PVT1: variants seen among roughly 807,000 people sequenced by gnomAD.
The protein encoded by PVT1 is CXCR4/PVT1 fusion.
At chr8:127,822,111 A>T (rs1814737098) in intron 2 of PVT1, among the ~76,000 whole-genome samples, 1 of 152,216 alleles carries the variant, frequency 6.6e-6, no homozygotes, top group Non-Finnish European at 1.5e-5. Context: ...TGTTGTAAGG[A>T]TTAAATGAAT....
intron 5 of PVT1, chr8:128,082,905 T>A (rs1814205395): frequency 6.6e-6 from 1 of 152,238 alleles, no homozygotes; most frequent in Non-Finnish European, 1.5e-5. Flanking sequence ...CAGTTGACTA[T>A]CTCCAGACTT....
At chr8:127,823,495 T>G (rs1195176531) in intron 2 of PVT1, among the ~76,000 whole-genome samples, 1 of 152,228 alleles carries the variant, frequency 6.6e-6, no homozygotes, top group Non-Finnish European at 1.5e-5. Context: ...GCCCTTTTTC[T>G]GCCTGTCCTT....
At chr8:128,028,488 G>A (rs924464194) in intron 4 of PVT1, among the ~76,000 whole-genome samples, 8 of 152,238 alleles carry the variant, frequency 5.3e-5, no homozygotes, top group African/African-American at 1.9e-4. Context: ...GAATAGCCTG[G>A]CTGGGTTCTG....
At chr8:127,797,196 C>T (rs1168918196) in intron 2 of PVT1, among the ~76,000 whole-genome samples, 1 of 152,106 alleles carries the variant, frequency 6.6e-6, no homozygotes, top group Non-Finnish European at 1.5e-5. Context: ...CCATGCCTGG[C>T]TAATTTTGTA....
intron 4 of PVT1, among the ~76,000 whole-genome samples, chr8:128,038,872 A>G (rs1813495189): frequency 6.6e-6 from 1 of 152,150 alleles, no homozygotes; most frequent in South Asian, 2.1e-4. Flanking sequence ...AGGAGATTTA[A>G]TGTTCTTCAG....
chr8:127,826,616 T>G (rs1405776156), intron 2 of PVT1, among the ~76,000 whole-genome samples: 1 of 152,184 alleles, frequency 6.6e-6, no homozygotes, highest in Non-Finnish European at 1.5e-5. Context: ...CACACAGACT[T>G]ACATATACAC....
At chr8:128,100,322 G>A (rs1025289038) in intron 6 of PVT1, among the ~76,000 whole-genome samples, 2 of 152,178 alleles carry the variant, frequency 1.3e-5, no homozygotes, top group Non-Finnish European at 2.9e-5. Flanking sequence ...GAGAAACCAG[G>A]TCTCTGCTCT....
chr8:127,902,200 G>GA (rs1233526701), intron 3 of PVT1, among the ~76,000 whole-genome samples: 1 of 152,114 alleles, frequency 6.6e-6, no homozygotes, highest in Admixed American at 6.5e-5. Flanking sequence ...TTTTGGCACG[G>GA]AAAGTCCAAC....
At chr8:127,963,853 C>T (rs1228413455) in intron 3 of PVT1, among the ~76,000 whole-genome samples, 1 of 152,142 alleles carries the variant, frequency 6.6e-6, no homozygotes, top group Non-Finnish European at 1.5e-5. Flanking sequence ...CCTGGTGGTT[C>T]CCTCCACTTC....
At chr8:127,823,640 ACCAGCATGCCCCCT>A (rs1442102171) in intron 2 of PVT1, among the ~76,000 whole-genome samples, 5 of 152,192 alleles carry the variant, frequency 3.3e-5, no homozygotes, top group African/African-American at 1.2e-4. Context: ...AGGCAGGGAG[ACCAGCATGCCCCCT>A]CTTGCCACTT....
chr8:127,938,578 A>G (rs1055096084), intron 3 of PVT1, among the ~76,000 whole-genome samples: 1 of 152,222 alleles, frequency 6.6e-6, no homozygotes, highest in South Asian at 2.1e-4. Flanking sequence ...ACGCAAATGT[A>G]AGATCCCTTT....
intron 4 of PVT1, among the ~76,000 whole-genome samples, chr8:128,034,066 T>G (rs1312887818): frequency 6.6e-6 from 1 of 151,648 alleles, no homozygotes; most frequent in East Asian, 1.9e-4. Flanking sequence ...CTGCACCTTT[T>G]TTTTTTTTTT....
chr8:127,899,329 G>A (rs1815730217), intron 3 of PVT1, among the ~76,000 whole-genome samples: 1 of 152,200 alleles, frequency 6.6e-6, no homozygotes, highest in Non-Finnish European at 1.5e-5. Context: ...AAACTGGCCA[G>A]TTGTCCATCT....
chr8:128,055,407 A>G (rs1813751207), intron 4 of PVT1, among the ~76,000 whole-genome samples: 1 of 152,218 alleles, frequency 6.6e-6, no homozygotes, highest in African/African-American at 2.4e-5. Context: ...AAATGGAAAT[A>G]ATATTAACAC....
intron 4 of PVT1, among the ~76,000 whole-genome samples, chr8:127,997,045 T>G (rs79908250): frequency 0.054 from 2,051 of 37,866 alleles, 54 homozygotes; most frequent in South Asian, 0.14. Context: ...TTTGCTTTCG[T>G]TTTTTTTTTT....
chr8:128,050,649 G>A (rs1337229021), intron 4 of PVT1, among the ~76,000 whole-genome samples: 3 of 152,174 alleles, frequency 2.0e-5, no homozygotes, highest in Admixed American at 6.5e-5. Context: ...TGCTGGCTCT[G>A]TGACCCTAGG....
intron 2 of PVT1, among the ~76,000 whole-genome samples, chr8:127,889,282 A>G (rs1815568959): frequency 1.3e-5 from 2 of 151,816 alleles, no homozygotes; most frequent in Admixed American, 1.3e-4. Flanking sequence ...GGCATGCACC[A>G]CCACACCCAG....
chr8:127,848,720 A>G (rs1461962021), intron 2 of PVT1, among the ~76,000 whole-genome samples: 1 of 152,122 alleles, frequency 6.6e-6, no homozygotes, highest in East Asian at 1.9e-4. Flanking sequence ...AAAGGCCAAC[A>G]AATTTGACCA....
chr8:127,922,109 T>A (rs937587969), intron 3 of PVT1, among the ~76,000 whole-genome samples: 2 of 152,062 alleles, frequency 1.3e-5, no homozygotes, highest in African/African-American at 2.4e-5. Flanking sequence ...TCTGCCCGCC[T>A]TGGCCTCCCA....
Sources: allele counts gnomAD v4.1 joint callset (sites outside exome capture counted in the v4.1 genomes callset), GRCh38; gene constraint gnomAD v4.1.1; transcripts MANE v1.5; gene names NCBI Gene and HGNC (gene_info 2026-07-23, HGNC 2026-07-21).